The following ASPG variants were observed in gnomAD, a reference collection of about 807,000 sequenced individuals.
ASPG encodes asparaginase.
In ASPG, 53 loss-of-function variants were observed where a neutral mutation model predicts 63.2. The observed-to-expected ratio is 0.84, with a 90% CI of 0.67 to 1.05. The LOEUF is 1.05. Among genes scored for constraint, ASPG ranks in the 50% least tolerant of loss-of-function variants. The pLI is 0.00. For missense variants in ASPG, 741 were observed against 794.4 expected (o/e 0.93, Z 0.81); for synonymous variants, 370 against 355.0 (o/e 1.04, Z -0.48).
In ASPG at chr14:104,106,730, C is replaced by T. The variant is rs1436530423; in HGVS notation, c.1174-69C>T. The T allele has an allele frequency of 2.5e-5, 35 of 1,390,372 alleles. No individual in the cohort carries two copies. The Admixed American group carries it at 4.2e-4, about 17-fold the overall frequency. The allele number at this position is 1,390,372 out of a possible 1,614,324, so 86.1% of individuals were successfully genotyped here. ...GGGGCTGGCAGGGGTCATACAGCAC[C>T]GGGGACTGCCAGTTCCACCAGATGC... is the stretch of plus-strand genomic sequence containing the variant. On this transcript the variant is annotated intron_variant, in intron 10 of 15. Transcript: ENST00000551177.
chr14:104,092,612 C>A (rs2036402105), intron 1 of ASPG, 21 bp from the exon 2 acceptor site: 2 of 1,528,090 alleles, frequency 1.3e-6, no homozygotes, highest in African/African-American at 1.4e-5. Context: ...ACCCCAGCAT[C>A]CACCTGGACT....
chr14:104,091,214 A>C lies in ASPG; in HGVS notation c.83-1419A>C, dbSNP rs1485610173. Among the ~76,000 whole-genome samples, 1 of 151,754 alleles carries C rather than the reference A, an allele frequency of 6.6e-6. No individual in the cohort carries two copies. Among genetic ancestry groups the C allele is most frequent in the Non-Finnish European group, 1.5e-5 (1 of 67,958 alleles). On this transcript the variant is annotated intron_variant, in intron 1 of 15. Coordinates refer to ENST00000551177, the MANE Select transcript of ASPG (RefSeq NM_001080464.3). This position sits in a 1 kb window ranked among gnomAD's most constrained non-coding sequence, Gnocchi z 6.4. ...TTTTTCAACCCACCATACATGAGAC[A>C]GGGACACTTGGACACCGGTGTGGGG...
rs1041933132 is a variant in ASPG at position 104,085,766 on chromosome 14, C to T, written c.-5C>T. 1.9e-6 allele frequency: 3 copies of T among 1,575,870 alleles called. No homozygotes were observed. Among genetic ancestry groups the T allele is most frequent in the Admixed American group, 3.5e-5 (2 of 57,820 alleles). On this transcript the variant is annotated 5_prime_UTR_variant, in exon 1 of 16. Coordinates refer to ENST00000551177, the MANE Select transcript of ASPG (RefSeq NM_001080464.3). The stretch of plus-strand genomic sequence containing the variant: ...CCCGTCCACTCCCGTGGTCCCCGGT[C>T]CGGCATGGCGCGCGCGGTGGGGCCC...
Position 104,110,832 on chromosome 14 carries a change from C to T in ASPG, c.1521-670C>T, listed in dbSNP as rs949965223. On this transcript the variant is annotated intron_variant, in intron 13 of 15. Coordinates refer to ENST00000551177, the MANE Select transcript of ASPG (RefSeq NM_001080464.3). The surrounding 1 kb of genome is among the most constrained non-coding windows in gnomAD (Gnocchi z 4.7). ...GCCTGCTCCTGGCCTCCCCAGGTGG[C>T]GAGTGAGTTCTTCCCAGGAGGGTGG... 5.1e-6 allele frequency: 5 copies of T among 985,310 alleles called. No individual in the cohort carries two copies. Among genetic ancestry groups the T allele is most frequent in the East Asian group, 1.1e-4 (1 of 8,802 alleles). The allele number at this position is 985,310 out of a possible 1,614,324, so 61.0% of individuals were successfully genotyped here.
chr14:104,099,233 T>TG (rs1340325347), intron 6 of ASPG, among the ~76,000 whole-genome samples: 9 of 152,148 alleles, frequency 5.9e-5, no homozygotes, highest in African/African-American at 1.2e-4. Context: ...AAGAGAGGTT[T>TG]GGGGCATCTG....
rs558319195 is a variant in ASPG, at chr14:104,108,424, C to T, written c.1434-805C>T. On this transcript the variant is annotated intron_variant, in intron 12 of 15. Coordinates refer to ENST00000551177, the MANE Select transcript of ASPG (RefSeq NM_001080464.3). ...ACCAGGCTCACAGCACGCCCCCAACCGGTCTCCCAGCCTCGCTCCGCTGCC... is the reference window on the plus strand; with the variant it reads ...ACCAGGCTCACAGCACGCCCCCAACTGGTCTCCCAGCCTCGCTCCGCTGCC... The T allele has an allele frequency of 2.7e-5, 27 of 985,394 alleles. No individual in the cohort carries two copies. In the East Asian group the frequency reaches 1.4e-3, roughly 50 times the overall value. The allele number at this position is 985,394 out of a possible 1,614,324, so 61.0% of individuals were successfully genotyped here.
chr14:104,094,039 G>A (rs1006959405), intron 3 of ASPG, among the ~76,000 whole-genome samples: 3 of 151,848 alleles, frequency 2.0e-5, no homozygotes, highest in African/African-American at 7.3e-5. Flanking sequence ...GGGTGGAGTC[G>A]GCCTGCCCAG....
Position 104,106,491 on chromosome 14 carries a change from C to T in ASPG, c.1174-308C>T, listed in dbSNP as rs116573042. The stretch of plus-strand genomic sequence containing the variant: ...CCGTCCCGACGGCGGTGGGAGCAGA[C>T]GGGGGAGTCTGGGAGGGTGGGTAGC... On this transcript the variant is annotated intron_variant, in intron 10 of 15. Coordinates refer to ENST00000551177, the MANE Select transcript of ASPG (RefSeq NM_001080464.3). Among the ~76,000 whole-genome samples, 390 of 151,920 alleles carry T rather than the reference C, an allele frequency of 2.6e-3. 3 individuals are homozygous for T. The highest frequency in any genetic ancestry group is 8.4e-3 in the African/African-American group (347 of 41,450).
chr14:104,092,649 G>A lies in ASPG; in HGVS notation c.99G>A (p.Thr33=), dbSNP rs1447555342. Residue 33 remains threonine (T), a synonymous_variant, in exon 2 of 16, where the codon ACG becomes ACA. Transcript: ENST00000551177. ...RSELGVLVPG[T]GLAAILRTLP... is the part of the protein sequence containing the mutation. ...TGCCTGCAGTGCTTGTGCCCGGGACGGGCCTGGCTGCCATCCTGAGGACAC... is the reference window on the plus strand; with the variant it reads ...TGCCTGCAGTGCTTGTGCCCGGGACAGGCCTGGCTGCCATCCTGAGGACAC... 1.4e-5 allele frequency: 21 copies of A among 1,536,166 alleles called. No individual in the cohort carries two copies. In the Admixed American group the frequency reaches 1.6e-4, roughly 11 times the overall value.
Position 104,112,540 on chromosome 14 carries a change from T to A in ASPG, c.1718T>A (p.Val573Asp). Reference protein sequence around the residue: ...QAPCPEVLPGV With the variant: ...QAPCPEVLPGD ...TGTTTTCAGGAAGTGCTGCCTGGTG[T>A]CTAACCTGAAGGCGTCCTGCTGCAG... Residue 573 changes from valine (V) to aspartate (D), a missense_variant, in exon 16 of 16, where the codon GTC becomes GAC. Coordinates refer to ENST00000551177, the MANE Select transcript of ASPG (RefSeq NM_001080464.3). 6.4e-7 allele frequency: 1 copy of A among 1,567,172 alleles called. No homozygotes were observed. Among genetic ancestry groups the A allele is most frequent in the Middle Eastern group, 1.7e-4 (1 of 5,996 alleles).
At chr14:104,111,836 G>T in intron 14 of ASPG, 84 bp from the exon 15 acceptor site, 5 of 1,363,334 alleles carry the variant, frequency 3.7e-6, no homozygotes, top group Non-Finnish European at 5.1e-6. Context: ...GGGGACAGGG[G>T]AGGGCATCCT....
rs558830964 is a variant in ASPG, at chr14:104,096,303, G to A, written c.429+647G>A. 5.3e-4 allele frequency among the ~76,000 whole-genome samples: 81 copies of A among 152,320 alleles called. No individual in the cohort carries two copies. The South Asian group carries it at 0.014, about 26-fold the overall frequency. The stretch of plus-strand genomic sequence containing the variant: ...TGAACCCCTTGGGATCCTTTCCCAC[G>A]GCTGAGGCTAAGGTCTTGTATGGGA... On this transcript the variant is annotated intron_variant, in intron 4 of 15. Transcript: ENST00000551177.
chr14:104,092,848 C>G, intron 2 of ASPG, 107 bp downstream of exon 2: 2 of 884,920 alleles, frequency 2.3e-6, no homozygotes, highest in Non-Finnish European at 3.5e-6. Flanking sequence ...TTGCTCACCC[C>G]TGTCTCTAAC....
intron 3 of ASPG, among the ~76,000 whole-genome samples, chr14:104,094,368 T>C (rs2036502694): frequency 1.3e-5 from 2 of 152,030 alleles, no homozygotes; most frequent in Admixed American, 6.5e-5. Context: ...GGAGTCTTGG[T>C]TGGAGTCTTA....
rs1004044389 is a variant in ASPG at position 104,091,161 on chromosome 14, G to A, written c.83-1472G>A. Among the ~76,000 whole-genome samples, 2 of 151,738 alleles carry A rather than the reference G, an allele frequency of 1.3e-5. No homozygotes were observed. The highest frequency in any genetic ancestry group is 1.5e-5 in the Non-Finnish European group (1 of 67,976). ...ATTCCAGGCCTGAGGCACTGCGCCC[G>A]GCCCTGGGATGCGGACATCTAGGAT... On this transcript the variant is annotated intron_variant, in intron 1 of 15. Transcript: ENST00000551177. This position sits in a 1 kb window ranked among gnomAD's most constrained non-coding sequence, Gnocchi z 6.4.
At chr14:104,103,875 G>C (rs997778115) in intron 7 of ASPG, among the ~76,000 whole-genome samples, 200 bp downstream of exon 7, 9 of 152,238 alleles carry the variant, frequency 5.9e-5, no homozygotes, top group Non-Finnish European at 1.3e-4. Flanking sequence ...CTCGGGGAGT[G>C]GGCAGGGTTG....
At chr14:104,105,149 A>T in intron 9 of ASPG, 179 bp from the exon 10 acceptor site, 1 of 906,048 alleles carries the variant, frequency 1.1e-6, no homozygotes, top group Non-Finnish European at 1.7e-6. Context: ...AGGGCCAGGG[A>T]GTGGGGCTGG....
intron 3 of ASPG, 114 bp from the exon 4 acceptor site, chr14:104,095,417 G>A (rs565088720): frequency 2.7e-5 from 40 of 1,456,538 alleles, no homozygotes; most frequent in Admixed American, 1.3e-4. Flanking sequence ...AGGGTCCCAC[G>A]GGTGCCTCCC....
intron 11 of ASPG, 28 bp downstream of exon 11, chr14:104,106,922 G>C: frequency 6.5e-7 from 1 of 1,548,038 alleles, no homozygotes; most frequent in South Asian, 1.2e-5. Flanking sequence ...TGGGGGCCCA[G>C]CCCCAGCCAC....
Sources: gnomAD v4.1 joint callset for allele counts (sites outside exome capture counted in the v4.1 genomes callset) on GRCh38, gnomAD v4.1.1 for gene constraint, Gnocchi (gnomAD v3.1) non-coding constraint, MANE v1.5 for transcripts, NCBI Gene and HGNC (gene_info 2026-07-23, HGNC 2026-07-21) for gene names.